LRRTM4: variants seen among roughly 807,000 people sequenced by gnomAD.
LRRTM4 encodes leucine rich repeat transmembrane neuronal 4.
Under a neutral mutation model 47.6 loss-of-function variants are expected in LRRTM4, and 25 were observed. The ratio of observed to expected loss-of-function variants is 0.53; its 90% CI spans 0.38 to 0.73. LRRTM4 has a LOEUF of 0.73. LRRTM4 is among the 30% of genes least tolerant of loss of function. LRRTM4 has a pLI of 0.00. For missense variants in LRRTM4, 638 were observed against 713.4 expected, an observed-to-expected ratio of 0.89 and a Z score of 1.20; for synonymous variants, 311 against 269.5, an observed-to-expected ratio of 1.15 and a Z score of -1.51.
chr2:76,961,468 A>G (rs946832502), intron 3 of LRRTM4, among the ~76,000 whole-genome samples: 4 of 151,398 alleles, frequency 2.6e-5, no homozygotes, highest in African/African-American at 9.7e-5. Flanking sequence ...ATGCTCTATC[A>G]GGAATGGCTA....
chr2:77,177,293 G>T (rs1202372456), intron 3 of LRRTM4, among the ~76,000 whole-genome samples: 1 of 152,094 alleles, frequency 6.6e-6, no homozygotes, highest in Non-Finnish European at 1.5e-5. Context: ...TGTGACACTC[G>T]CAAGCCATAG....
At chr2:77,170,746 T>C (rs1673024176) in intron 3 of LRRTM4, among the ~76,000 whole-genome samples, 1 of 151,592 alleles carries the variant, frequency 6.6e-6, no homozygotes, top group Admixed American at 6.6e-5. Flanking sequence ...CCAAATGTTT[T>C]ATCACTATAT....
At chr2:77,102,658 T>C (rs895264132) in intron 3 of LRRTM4, among the ~76,000 whole-genome samples, 1 of 152,182 alleles carries the variant, frequency 6.6e-6, no homozygotes. Context: ...TGTAAGATTT[T>C]AAGTGCAGGA....
intron 3 of LRRTM4, among the ~76,000 whole-genome samples, chr2:76,879,798 G>T (rs1672877343): frequency 6.6e-6 from 1 of 152,152 alleles, no homozygotes; most frequent in South Asian, 2.1e-4. Flanking sequence ...GAACATTCTT[G>T]ATTTACAAAA....
At chr2:77,215,369 T>C (rs983235279) in intron 3 of LRRTM4, among the ~76,000 whole-genome samples, 4 of 152,098 alleles carry the variant, frequency 2.6e-5, no homozygotes, top group African/African-American at 9.7e-5. Flanking sequence ...ATGAGAAGAG[T>C]ACATTGTCCC....
At chr2:77,116,650 T>C (rs992438788) in intron 3 of LRRTM4, among the ~76,000 whole-genome samples, 1 of 152,126 alleles carries the variant, frequency 6.6e-6, no homozygotes, top group Non-Finnish European at 1.5e-5. Flanking sequence ...CTAAAAACAG[T>C]CATCCAGAGC....
At chr2:76,778,681 A>C (rs977635925) in intron 3 of LRRTM4, among the ~76,000 whole-genome samples, 13 of 151,494 alleles carry the variant, frequency 8.6e-5, no homozygotes, top group African/African-American at 1.2e-4. Flanking sequence ...CTAGCGGTCT[A>C]TCAATTTTGT....
intron 3 of LRRTM4, among the ~76,000 whole-genome samples, chr2:77,166,422 C>A (rs1672887582): frequency 6.6e-6 from 1 of 152,098 alleles, no homozygotes; most frequent in Non-Finnish European, 1.5e-5. Flanking sequence ...ATCAAGCTAC[C>A]AATGACTTTC....
chr2:77,088,801 C>G (rs1680819394), intron 3 of LRRTM4, among the ~76,000 whole-genome samples: 1 of 152,172 alleles, frequency 6.6e-6, no homozygotes, highest in African/African-American at 2.4e-5. Context: ...GCCCAAGAAA[C>G]ATCTCACCAG....
At position 77,087,899 on chromosome 2, in the gene LRRTM4, G is replaced by A. The variant is rs1348398892; in HGVS notation, c.1552-338983C>T. Among the ~76,000 whole-genome samples, 27 of 152,104 alleles carry A rather than the reference G, an allele frequency of 1.8e-4. 1 individual carries two copies. Among genetic ancestry groups the A allele is most frequent in the Non-Finnish European group, 2.9e-5 (2 of 67,998 alleles). On this transcript the variant is annotated intron_variant, in intron 3 of 3. Coordinates refer to ENST00000409884, the MANE Select transcript of LRRTM4 (RefSeq NM_001134745.3). ...GTAGAAAATAAAGTAGTGAAAATATGCAAATATATGTCTTTGCCAAGGTTC... is the reference window on the plus strand; with the variant it reads ...GTAGAAAATAAAGTAGTGAAAATATACAAATATATGTCTTTGCCAAGGTTC...
At chr2:77,170,630 G>C (rs551644817) in intron 3 of LRRTM4, among the ~76,000 whole-genome samples, 2 of 152,092 alleles carry the variant, frequency 1.3e-5, no homozygotes, top group African/African-American at 4.8e-5. Flanking sequence ...TTTCCAAAGA[G>C]AGTTTAAAGT....
intron 3 of LRRTM4, among the ~76,000 whole-genome samples, chr2:77,148,730 A>T (rs1558605291): frequency 6.6e-6 from 1 of 152,190 alleles, no homozygotes; most frequent in African/African-American, 2.4e-5. Flanking sequence ...AAGCAGTTTT[A>T]TTTGAGTAGT....
intron 3 of LRRTM4, among the ~76,000 whole-genome samples, chr2:76,774,630 G>C (rs1162533007): frequency 6.6e-6 from 1 of 152,152 alleles, no homozygotes; most frequent in Non-Finnish European, 1.5e-5. Context: ...CATGAGGAAG[G>C]GTTGGTCTTG....
chr2:77,247,741 G>A (rs552269826), intron 3 of LRRTM4, among the ~76,000 whole-genome samples: 91 of 151,968 alleles, frequency 6.0e-4, no homozygotes, highest in African/African-American at 2.0e-3. Context: ...CCAATAATAC[G>A]TGCCTAGGAA....
chr2:76,903,476 T>G (rs753311073), intron 3 of LRRTM4, among the ~76,000 whole-genome samples: 1 of 151,960 alleles, frequency 6.6e-6, no homozygotes, highest in Admixed American at 6.6e-5. Flanking sequence ...GCTGAGTGTG[T>G]AGTGAGCCGA....
intron 3 of LRRTM4, among the ~76,000 whole-genome samples, chr2:77,312,777 C>A (rs939200083): frequency 4.6e-5 from 7 of 151,976 alleles, no homozygotes; most frequent in Non-Finnish European, 1.0e-4. Context: ...AAAGCAAATA[C>A]CCACTGAAAT....
At chr2:77,091,201 G>A (rs558529606) in intron 3 of LRRTM4, among the ~76,000 whole-genome samples, 66 of 151,170 alleles carry the variant, frequency 4.4e-4, no homozygotes, top group Admixed American at 2.7e-3. Flanking sequence ...TCTCATTGCC[G>A]CCCTTCTTCC....
At chr2:77,116,343 C>A (rs866449232) in intron 3 of LRRTM4, among the ~76,000 whole-genome samples, 37 of 151,492 alleles carry the variant, frequency 2.4e-4, no homozygotes, top group African/African-American at 7.5e-4. Flanking sequence ...CCTCTAATAT[C>A]TTTAACAGAA....
intron 3 of LRRTM4, among the ~76,000 whole-genome samples, chr2:76,775,721 T>A (rs937926124): frequency 4.6e-5 from 7 of 152,146 alleles, no homozygotes; most frequent in African/African-American, 1.7e-4. Flanking sequence ...CCTTCCTATG[T>A]TAAATCTTGG....
Sources: gnomAD v4.1 joint callset for allele counts (sites outside exome capture counted in the v4.1 genomes callset) on GRCh38, gnomAD v4.1.1 for gene constraint, MANE v1.5 for transcripts, NCBI Gene and HGNC (gene_info 2026-07-23, HGNC 2026-07-21) for gene names.